Variants in IQCM observed in about 807,000 individuals in gnomAD.
IQCM encodes the protein IQ motif containing M, also known as IQ domain-containing protein M.
In IQCM, 45 loss-of-function variants were observed where a neutral mutation model predicts 57.6. That is an observed-to-expected ratio of 0.78 (90% CI 0.62 to 1.00). The LOEUF is 1.00. IQCM is among the 50% of genes least tolerant of loss of function. IQCM has a pLI of 0.00. For missense variants in IQCM, 468 were observed against 511.6 expected, an observed-to-expected ratio of 0.91 and a Z score of 0.82; for synonymous variants, 148 against 158.9, an observed-to-expected ratio of 0.93 and a Z score of 0.51.
intron 12 of IQCM, among the ~76,000 whole-genome samples, chr4:149,435,880 A>G (rs1735319019): frequency 6.6e-6 from 1 of 152,180 alleles, no homozygotes; most frequent in South Asian, 2.1e-4. Flanking sequence ...ACAGTTGTAC[A>G]ATCTATTTGT....
intron 8 of IQCM, among the ~76,000 whole-genome samples, chr4:149,609,588 G>A (rs1272334262): frequency 6.6e-6 from 1 of 151,626 alleles, no homozygotes; most frequent in Admixed American, 6.6e-5. Context: ...AAAACACACA[G>A]ATTAATGAAT....
At chr4:149,718,223 G>T (rs1765159794) in intron 5 of IQCM, among the ~76,000 whole-genome samples, 1 of 152,164 alleles carries the variant, frequency 6.6e-6, no homozygotes, top group African/African-American at 2.4e-5. Context: ...CCATTCCTGT[G>T]TCTTACTTCT....
chr4:149,607,072 C>T (rs1039677339), intron 8 of IQCM, among the ~76,000 whole-genome samples: 1 of 151,752 alleles, frequency 6.6e-6, no homozygotes, highest in Non-Finnish European at 1.5e-5. Context: ...TCAAAGAATA[C>T]CAAGTGGATT....
chr4:149,365,947 A>G (rs1287192033), intron 13 of IQCM, among the ~76,000 whole-genome samples: 1 of 152,132 alleles, frequency 6.6e-6, no homozygotes, highest in East Asian at 1.9e-4. Flanking sequence ...AAATCCAAAT[A>G]AAGTTCAGAG....
intron 5 of IQCM, among the ~76,000 whole-genome samples, chr4:149,693,291 T>C (rs751860437): frequency 1.3e-5 from 2 of 152,234 alleles, no homozygotes; most frequent in South Asian, 2.1e-4. Context: ...ATATGGTCCA[T>C]GACCTTGGCT....
intron 12 of IQCM, among the ~76,000 whole-genome samples, chr4:149,484,784 G>T (rs1428104322): frequency 6.6e-6 from 1 of 151,880 alleles, no homozygotes; most frequent in Non-Finnish European, 1.5e-5. Flanking sequence ...CTGTGTGCTT[G>T]AGTTTTGTAC....
chr4:149,412,422 ATCT>A (rs1395661229), intron 13 of IQCM, among the ~76,000 whole-genome samples: 1 of 152,184 alleles, frequency 6.6e-6, no homozygotes, highest in Non-Finnish European at 1.5e-5. Context: ...GTATTCTGAC[ATCT>A]TCTTTGAGTC....
intron 9 of IQCM, among the ~76,000 whole-genome samples, chr4:149,580,243 C>T (rs372411278): frequency 1.2e-4 from 18 of 151,608 alleles, no homozygotes; most frequent in Non-Finnish European, 2.1e-4. Context: ...AGAAATCTGC[C>T]GATCTATCTT....
chr4:149,399,382 A>G (rs1732455881), intron 13 of IQCM, among the ~76,000 whole-genome samples: 1 of 152,008 alleles, frequency 6.6e-6, no homozygotes, highest in Non-Finnish European at 1.5e-5. Flanking sequence ...ACGAAGTGGA[A>G]GAATAGGGAA....
At chr4:149,519,607 C>G (rs1745393727) in intron 12 of IQCM, among the ~76,000 whole-genome samples, 1 of 151,964 alleles carries the variant, frequency 6.6e-6, no homozygotes, top group Non-Finnish European at 1.5e-5. Context: ...GATTGCGCCA[C>G]TGCGCTCCAG....
rs576119296 is a variant in IQCM, at chr4:149,613,988, G to C, written c.681+7141C>G. ...CTATCATTGTTGGACATTTGGGTTG[G>C]TTCCAAGTCTTTGAAACAATATGTT... On this transcript the variant is annotated intron_variant, in intron 8 of 13. Transcript: ENST00000636793. Among the ~76,000 whole-genome samples the C allele has an allele frequency of 3.3e-5, 5 of 152,164 alleles. No homozygotes were observed. In the South Asian group the frequency reaches 1.0e-3, roughly 32 times the overall value.
At chr4:149,436,839 A>C (rs2111299619) in intron 12 of IQCM, among the ~76,000 whole-genome samples, 1 of 152,278 alleles carries the variant, frequency 6.6e-6, no homozygotes, top group South Asian at 2.1e-4. Context: ...CATATGCAAT[A>C]TCTGAAGTTT....
At chr4:149,593,403 C>T (rs1205674617) in intron 8 of IQCM, among the ~76,000 whole-genome samples, 1 of 152,048 alleles carries the variant, frequency 6.6e-6, no homozygotes, top group Non-Finnish European at 1.5e-5. Flanking sequence ...CATCTGCAAA[C>T]AGGGACAATT....
Position 149,546,023 on chromosome 4 carries a change from G to A in IQCM, c.1228+2432C>T, listed in dbSNP as rs550485677. 4.9e-4 allele frequency among the ~76,000 whole-genome samples: 74 copies of A among 152,216 alleles called. 1 individual carries two copies. The South Asian group carries it at 0.015, about 32-fold the overall frequency. ...GTGATGTTCCCCACCCTGTGTCCAA[G>A]TGTTCTCATTGTTCAATTCCCACCT... On this transcript the variant is annotated intron_variant, in intron 12 of 13. Transcript: ENST00000636793.
At chr4:149,559,126 T>C (rs1429281948) in intron 10 of IQCM, among the ~76,000 whole-genome samples, 2 of 152,096 alleles carry the variant, frequency 1.3e-5, no homozygotes, top group Admixed American at 6.6e-5. Flanking sequence ...CCCAAAGTCC[T>C]ATCAACTGTC....
At chr4:149,736,303 A>C (rs1041597077) in intron 3 of IQCM, among the ~76,000 whole-genome samples, 1 of 152,156 alleles carries the variant, frequency 6.6e-6, no homozygotes, top group Non-Finnish European at 1.5e-5. Context: ...CAGCATGTAG[A>C]CTACATCATT....
At chr4:149,640,731 T>C (rs1252329592) in intron 7 of IQCM, among the ~76,000 whole-genome samples, 1 of 152,162 alleles carries the variant, frequency 6.6e-6, no homozygotes, top group Admixed American at 6.6e-5. Context: ...TTTTCTCTTA[T>C]TTTGAGGCCA....
chr4:149,577,670 C>G (rs963891935), intron 9 of IQCM, among the ~76,000 whole-genome samples: 1 of 2,780 alleles, frequency 3.6e-4, no homozygotes, highest in Non-Finnish European at 0.017. Context: ...TGTGATGCCT[C>G]TAGTTTGTTC....
intron 13 of IQCM, among the ~76,000 whole-genome samples, chr4:149,357,516 T>A (rs887722844): frequency 1.3e-5 from 2 of 152,228 alleles, no homozygotes; most frequent in Non-Finnish European, 2.9e-5. Flanking sequence ...GCGGTTTTTG[T>A]CTTTGGTTCT....
Sources: allele counts gnomAD v4.1 joint callset (sites outside exome capture counted in the v4.1 genomes callset), GRCh38; gene constraint gnomAD v4.1.1; transcripts MANE v1.5; gene names NCBI Gene and HGNC (gene_info 2026-07-23, HGNC 2026-07-21).